CKAP5: variants seen among roughly 807,000 people sequenced by gnomAD.
CKAP5 encodes the protein cytoskeleton-associated protein 5.
A neutral mutation model predicts 232.8 loss-of-function variants in CKAP5; 27 were observed. The ratio of observed to expected loss-of-function variants is 0.12; its 90% CI spans 0.09 to 0.16. The LOEUF is 0.16. CKAP5 is among the 10% of genes least tolerant of loss of function. The probability of loss-of-function intolerance (pLI) is 1.00; values close to 1 mark genes in which losing one functional copy is unlikely to be tolerated. For missense variants in CKAP5, 1,838 were observed against 2,424.7 expected, an observed-to-expected ratio of 0.76 and a Z score of 5.08; for synonymous variants, 785 against 841.1, an observed-to-expected ratio of 0.93 and a Z score of 1.16.
chr11:46,801,169 T>C (rs1204143815), intron 9 of CKAP5, 31 bp downstream of exon 9: 3 of 1,495,408 alleles, frequency 2.0e-6, no homozygotes, highest in Non-Finnish European at 2.8e-6. Context: ...TAAATTTTGT[T>C]GATCTGTATC....
rs1375490580 is a variant in CKAP5, at chr11:46,777,314, T to C, written c.2862+125A>G. On this transcript the variant is annotated intron_variant, in intron 23 of 43. Coordinates refer to ENST00000529230, the MANE Select transcript of CKAP5 (RefSeq NM_001008938.4). Reference sequence around the variant, plus strand: ...ATAAAAATGTTTACTGTTTTTCTTCTAATATTTTCATCTTTATAAAGTTTA... The same window carrying C: ...ATAAAAATGTTTACTGTTTTTCTTCCAATATTTTCATCTTTATAAAGTTTA... 5.1e-6 allele frequency: 3 copies of C among 586,964 alleles called. No homozygotes were observed. The East Asian group carries it at 8.7e-5, about 17-fold the overall frequency. The allele number at this position is 586,964 out of a possible 1,614,324, so 36.4% of individuals were successfully genotyped here. A position where few individuals can be genotyped will look rare whatever the true frequency, so the allele number is the denominator to read the frequency against.
intron 1 of CKAP5, among the ~76,000 whole-genome samples, chr11:46,844,702 C>T (rs1321214144): frequency 3.9e-5 from 6 of 152,052 alleles, no homozygotes; most frequent in South Asian, 4.2e-4. Context: ...AGTGCAATGG[C>T]GGGATCTTGG....
At chr11:46,757,965 G>A (rs2065123614) in intron 35 of CKAP5, among the ~76,000 whole-genome samples, 1 of 148,312 alleles carries the variant, frequency 6.7e-6, no homozygotes, top group South Asian at 2.1e-4. Context: ...ACAGCTCACT[G>A]CAGCCTCAAC....
At chr11:46,773,335 C>T (rs11602036) in intron 24 of CKAP5, among the ~76,000 whole-genome samples, 21,088 of 151,312 alleles carry the variant, frequency 0.14, 2,456 homozygotes, top group East Asian at 0.61. Flanking sequence ...CTGCAACCTC[C>T]GCCTCCCGGT....
At chr11:46,793,264 A>C (rs1938784182) in intron 13 of CKAP5, among the ~76,000 whole-genome samples, 2 of 152,242 alleles carry the variant, frequency 1.3e-5, no homozygotes, top group African/African-American at 2.4e-5. Context: ...ATAAAGGCAA[A>C]GTGTTTCATA....
intron 38 of CKAP5, 101 bp from the exon 39 acceptor site, chr11:46,751,635 C>T (rs1220351659): frequency 1.0e-6 from 1 of 995,172 alleles, no homozygotes; most frequent in East Asian, 2.4e-5. Flanking sequence ...TAAAAGATGG[C>T]CAGGGCTATA....
chr11:46,813,841 T>A (rs1398543493), intron 4 of CKAP5, among the ~76,000 whole-genome samples: 1 of 151,848 alleles, frequency 6.6e-6, no homozygotes, highest in Non-Finnish European at 1.5e-5. Context: ...AATTTAAAGG[T>A]AGAAGATTAT....
At chr11:46,752,830 C>A in intron 37 of CKAP5, 120 bp from the exon 38 acceptor site, 1 of 711,786 alleles carries the variant, frequency 1.4e-6, no homozygotes, top group Non-Finnish European at 2.4e-6. Context: ...GGTCATGGAT[C>A]AGGAATTGTC....
In CKAP5 at chr11:46,809,381, A is replaced by T; in HGVS notation, c.864+19T>A. The T allele has an allele frequency of 1.4e-6, 2 of 1,407,962 alleles. No homozygotes were observed. The highest frequency in any genetic ancestry group is 2.0e-6 in the Non-Finnish European group (2 of 1,001,212). The allele number at this position is 1,407,962 out of a possible 1,614,324, so 87.2% of individuals were successfully genotyped here. A position where few individuals can be genotyped will look rare whatever the true frequency, so the allele number is the denominator to read the frequency against. On this transcript the variant is annotated intron_variant, in intron 7 of 43. Coordinates refer to ENST00000529230, the MANE Select transcript of CKAP5 (RefSeq NM_001008938.4). ...TTATTTTACAAGAAATAAATGAAAG[A>T]AGTTTAACTATTACTTACAATTTTG...
chr11:46,824,884 T>C (rs1333046780), intron 1 of CKAP5, among the ~76,000 whole-genome samples: 1 of 152,214 alleles, frequency 6.6e-6, no homozygotes, highest in Non-Finnish European at 1.5e-5. Flanking sequence ...CTATACATAA[T>C]GCTTGCTGTG....
intron 31 of CKAP5, 97 bp from the exon 32 acceptor site, chr11:46,762,290 T>C: frequency 1.5e-4 from 148 of 970,136 alleles, no homozygotes; most frequent in Non-Finnish European, 2.2e-4. Flanking sequence ...TATGAAGGAC[T>C]AAAACCTTAC....
At chr11:46,785,870 A>G (rs998891761) in intron 16 of CKAP5, among the ~76,000 whole-genome samples, 7 of 152,168 alleles carry the variant, frequency 4.6e-5, no homozygotes, top group Non-Finnish European at 8.8e-5. Context: ...ACTTGAACCC[A>G]GGAGGCTGAA....
At chr11:46,783,828 C>T (rs2065363069) in intron 17 of CKAP5, among the ~76,000 whole-genome samples, 1 of 151,922 alleles carries the variant, frequency 6.6e-6, no homozygotes, top group Non-Finnish European at 1.5e-5. Flanking sequence ...GCCTCAGCCT[C>T]CCTAGTAGCT....
intron 24 of CKAP5, among the ~76,000 whole-genome samples, chr11:46,775,240 C>A (rs1001888025): frequency 7.2e-5 from 11 of 152,166 alleles, no homozygotes; most frequent in African/African-American, 2.4e-4. Flanking sequence ...TGAAAAAGAT[C>A]ATCACTGGTC....
At chr11:46,840,381 C>T (rs1940024102) in intron 1 of CKAP5, among the ~76,000 whole-genome samples, 1 of 152,116 alleles carries the variant, frequency 6.6e-6, no homozygotes, top group South Asian at 2.1e-4. Context: ...CAATGTGTGA[C>T]AGACATTAAG....
chr11:46,831,578 G>T (rs1483871664), intron 1 of CKAP5, among the ~76,000 whole-genome samples: 1 of 152,186 alleles, frequency 6.6e-6, no homozygotes, highest in Non-Finnish European at 1.5e-5. Flanking sequence ...GCCCAGGCTG[G>T]AGTATGGTGG....
intron 4 of CKAP5, among the ~76,000 whole-genome samples, chr11:46,814,708 T>C (rs1939357953): frequency 1.3e-5 from 2 of 152,210 alleles, no homozygotes; most frequent in Admixed American, 1.3e-4. Flanking sequence ...CTGAAAGAGA[T>C]CCTATTCATG....
At chr11:46,806,465 G>A (rs1939158136) in intron 8 of CKAP5, among the ~76,000 whole-genome samples, 1 of 152,160 alleles carries the variant, frequency 6.6e-6, no homozygotes, top group Non-Finnish European at 1.5e-5. Flanking sequence ...ACTGGAACCT[G>A]ACTTTCCTTG....
chr11:46,790,031 T>A (rs755327382), intron 15 of CKAP5, 45 bp downstream of exon 15: 2 of 1,283,414 alleles, frequency 1.6e-6, no homozygotes, highest in Middle Eastern at 1.9e-4. Context: ...GCTGCTTCCA[T>A]ATAATCTAAT....
Sources: allele counts gnomAD v4.1 joint callset (sites outside exome capture counted in the v4.1 genomes callset), GRCh38; gene constraint gnomAD v4.1.1; transcripts MANE v1.5; gene names NCBI Gene and HGNC (gene_info 2026-07-23, HGNC 2026-07-21).